The following DNAJC12 variants were observed in gnomAD, a reference collection of about 807,000 sequenced individuals.
DNAJC12 encodes dnaJ homolog subfamily C member 12.
A neutral mutation model predicts 28.5 loss-of-function variants in DNAJC12; 25 were observed. The ratio of observed to expected loss-of-function variants is 0.88; its 90% CI spans 0.64 to 1.22. The LOEUF (loss-of-function observed/expected upper bound fraction) is 1.22. Among genes scored for constraint, DNAJC12 ranks in the 50% most tolerant of loss-of-function variants. The pLI is 0.00. For synonymous variants in DNAJC12, 77 were observed against 80.6 expected, an observed-to-expected ratio of 0.95 and a Z score of 0.24; for missense variants, 222 against 231.7, an observed-to-expected ratio of 0.96 and a Z score of 0.27.
intron 3 of DNAJC12, chr10:67,808,492 C>A (rs1841825528): frequency 6.6e-6 from 1 of 152,044 alleles, no homozygotes; most frequent in South Asian, 2.1e-4. Context: ...TTGGTCAATA[C>A]TAGGAAATAG....
chr10:67,818,125 A>C (rs1457222770), intron 2 of DNAJC12, among the ~76,000 whole-genome samples: 1 of 77,406 alleles, frequency 1.3e-5, no homozygotes, highest in Non-Finnish European at 4.2e-5. Flanking sequence ...GAACTGCTTG[A>C]GCCTGGGAGG....
intron 2 of DNAJC12, among the ~76,000 whole-genome samples, chr10:67,816,722 C>T (rs946236802): frequency 6.6e-6 from 1 of 151,912 alleles, no homozygotes; most frequent in Admixed American, 6.6e-5. Flanking sequence ...ATTTTTTGTA[C>T]TTTTAGTAGA....
chr10:67,820,537 A>G (rs1051542920), intron 2 of DNAJC12, among the ~76,000 whole-genome samples: 8 of 152,168 alleles, frequency 5.3e-5, no homozygotes, highest in Non-Finnish European at 8.8e-5. Context: ...GTTGACCTGG[A>G]TATACATATG....
At chr10:67,813,023 A>T (rs1218205399) in intron 2 of DNAJC12, among the ~76,000 whole-genome samples, 2 of 152,076 alleles carry the variant, frequency 1.3e-5, no homozygotes, top group Non-Finnish European at 2.9e-5. Flanking sequence ...CTCCATCTCA[A>T]AACAAACAAA....
chr10:67,800,371 T>G (rs1272162162), intron 4 of DNAJC12, among the ~76,000 whole-genome samples: 2 of 152,148 alleles, frequency 1.3e-5, no homozygotes, highest in Non-Finnish European at 2.9e-5. Context: ...ATGATCCCAC[T>G]GGGGAACCCT....
Position 67,826,849 on chromosome 10 carries a change from ATATAT to A in DNAJC12, c.79-3462_79-3458del, listed in dbSNP as rs199542112. ...TATCATATATAAGATATCTAATGAT[ATATAT>A]TATATCTATTATATCTATTATATAT... On this transcript the variant is annotated intron_variant, in intron 1 of 4. Coordinates refer to ENST00000225171, the MANE Select transcript of DNAJC12 (RefSeq NM_021800.3). Among the ~76,000 whole-genome samples, 1,265 of 134,954 alleles carry A rather than the reference ATATAT, an allele frequency of 9.4e-3. 34 individuals carry two copies. The highest frequency in any genetic ancestry group is 0.031 in the African/African-American group (1,123 of 36,036). 88.5% of individuals were successfully genotyped at this position (134,954 alleles called of 152,430 possible).
At chr10:67,797,900 CGTG>C (rs1294516454) in intron 4 of DNAJC12, among the ~76,000 whole-genome samples, 1 of 151,834 alleles carries the variant, frequency 6.6e-6, no homozygotes, top group Non-Finnish European at 1.5e-5. Context: ...ATTAGCCGGG[CGTG>C]GTGGCGGGCG....
intron 4 of DNAJC12, among the ~76,000 whole-genome samples, chr10:67,797,969 T>G (rs538686957): frequency 1.3e-4 from 20 of 148,344 alleles, no homozygotes; most frequent in South Asian, 4.2e-4. Context: ...GAACCCGGCA[T>G]GCGGAGGTTG....
chr10:67,818,171 A>C (rs1841934713), intron 2 of DNAJC12, among the ~76,000 whole-genome samples: 2 of 152,106 alleles, frequency 1.3e-5, no homozygotes, highest in Non-Finnish European at 2.9e-5. Context: ...GCACCACTGC[A>C]CTCCAGCCTG....
At chr10:67,813,228 C>T (rs1043687310) in intron 2 of DNAJC12, among the ~76,000 whole-genome samples, 11 of 150,590 alleles carry the variant, frequency 7.3e-5, no homozygotes, top group Non-Finnish European at 1.6e-4. Context: ...CTAGGCATGG[C>T]GGTGGGCGCC....
At chr10:67,831,285 TA>T (rs1214516076) in intron 1 of DNAJC12, among the ~76,000 whole-genome samples, 2 of 152,222 alleles carry the variant, frequency 1.3e-5, no homozygotes, top group Non-Finnish European at 2.9e-5. Flanking sequence ...TTAACATGTA[TA>T]AGTCATACTC....
chr10:67,826,981 A>G (rs1169822770), intron 1 of DNAJC12, among the ~76,000 whole-genome samples: 1 of 146,024 alleles, frequency 6.8e-6, no homozygotes, highest in African/African-American at 2.5e-5. Flanking sequence ...GATATATTAT[A>G]TATATATCTC....
intron 1 of DNAJC12, 46 bp from the exon 2 acceptor site, chr10:67,823,438 A>C (rs921197625): frequency 1.3e-6 from 2 of 1,534,714 alleles, no homozygotes; most frequent in Admixed American, 3.3e-5. Flanking sequence ...TGCCAGGCGC[A>C]GTGACTCACG....
chr10:67,807,715 C>T (rs942091223), intron 3 of DNAJC12, among the ~76,000 whole-genome samples: 41 of 152,138 alleles, frequency 2.7e-4, no homozygotes, highest in African/African-American at 9.7e-4. Context: ...GTGGCCTGTA[C>T]GTGATGTATT....
At chr10:67,828,486 C>T (rs1225033240) in intron 1 of DNAJC12, among the ~76,000 whole-genome samples, 1 of 152,148 alleles carries the variant, frequency 6.6e-6, no homozygotes, top group African/African-American at 2.4e-5. Context: ...CTTCTGAGAA[C>T]ACCTTCGAAT....
At chr10:67,813,545 C>T (rs1036032468) in intron 2 of DNAJC12, among the ~76,000 whole-genome samples, 3 of 149,998 alleles carry the variant, frequency 2.0e-5, no homozygotes, top group South Asian at 4.2e-4. Context: ...GTCAGGAGTT[C>T]GAGACCAGTC....
chr10:67,813,001 G>T (rs967347805), intron 2 of DNAJC12, among the ~76,000 whole-genome samples: 1 of 152,118 alleles, frequency 6.6e-6, no homozygotes, highest in South Asian at 2.1e-4. Flanking sequence ...CAGCCTGTCC[G>T]ACAGAGCAAG....
Position 67,801,836 on chromosome 10 carries a change from C to CTTTTTTTTTTTTTTTTT in DNAJC12, c.502+3730_502+3746dup, listed in dbSNP as rs577511924. Among the ~76,000 whole-genome samples, 12 of 26,120 alleles carry CTTTTTTTTTTTTTTTTT rather than the reference C, an allele frequency of 4.6e-4. 2 individuals are homozygous for CTTTTTTTTTTTTTTTTT. The highest frequency in any genetic ancestry group is 1.5e-3 in the African/African-American group (11 of 7,586). 17.1% of individuals were successfully genotyped at this position (26,120 alleles called of 152,430 possible). A position where few individuals can be genotyped will look rare whatever the true frequency, so the allele number is the denominator to read the frequency against. On this transcript the variant is annotated intron_variant, in intron 4 of 4. Coordinates refer to ENST00000225171, the MANE Select transcript of DNAJC12 (RefSeq NM_021800.3). ...TGATTCCCATCCCCTCCACTTCATT[C>CTTTTTTTTTTTTTTTTT]TTTTTTTTTTTTTTTTTTTTTTTTT...
intron 4 of DNAJC12, among the ~76,000 whole-genome samples, chr10:67,802,302 A>T (rs1303413182): frequency 2.6e-5 from 4 of 152,244 alleles, no homozygotes; most frequent in Admixed American, 2.6e-4. Flanking sequence ...AGTAAATTAG[A>T]GCCGAGAACC....
Sources: allele counts gnomAD v4.1 joint callset (sites outside exome capture counted in the v4.1 genomes callset), GRCh38; gene constraint gnomAD v4.1.1; transcripts MANE v1.5; gene names NCBI Gene and HGNC (gene_info 2026-07-23, HGNC 2026-07-21).